NRCAM: variants seen among roughly 807,000 people sequenced by gnomAD.
The protein encoded by NRCAM is NgCAM-related cell adhesion molecule.
Under a neutral mutation model 156.5 loss-of-function variants are expected in NRCAM, and 83 were observed. The ratio of observed to expected loss-of-function variants is 0.53; its 90% confidence interval spans 0.44 to 0.64. The LOEUF is 0.64. NRCAM is among the 30% of genes least tolerant of loss of function. The pLI is 0.00. For missense variants in NRCAM, 1,417 were observed against 1,597.3 expected, an observed-to-expected ratio of 0.89 and a Z score of 1.92; for synonymous variants, 538 against 563.9, an observed-to-expected ratio of 0.95 and a Z score of 0.65.
chr7:108,310,596 T>A (rs2098790016), intron 3 of NRCAM, among the ~76,000 whole-genome samples: 1 of 152,170 alleles, frequency 6.6e-6, no homozygotes, highest in Non-Finnish European at 1.5e-5. Flanking sequence ...CTGAAAACTC[T>A]AAGTAGCTAC....
intron 1 of NRCAM, among the ~76,000 whole-genome samples, chr7:108,421,709 T>C (rs1019970541): frequency 6.6e-6 from 1 of 152,238 alleles, no homozygotes. Context: ...AGCTATTCAA[T>C]CTACAACTTA....
chr7:108,335,458 T>TTTTTTTTTTTATTTTTTTTTTA (rs2099172707), intron 2 of NRCAM, among the ~76,000 whole-genome samples: 1 of 122,622 alleles, frequency 8.2e-6, no homozygotes, highest in Admixed American at 8.8e-5. Flanking sequence ...TTTTTTTTTT[T>TTTTTTTTTTTATTTTTTTTTTA]TCAGTTTTCA....
At chr7:108,391,197 T>C (rs1432575143) in intron 2 of NRCAM, among the ~76,000 whole-genome samples, 1 of 152,112 alleles carries the variant, frequency 6.6e-6, no homozygotes, top group African/African-American at 2.4e-5. Context: ...ATTATTATTG[T>C]GTGGGAGTCT....
intron 3 of NRCAM, among the ~76,000 whole-genome samples, chr7:108,282,721 G>GAAAAAGAT (rs1197671244): frequency 6.6e-6 from 1 of 151,952 alleles, no homozygotes; most frequent in African/African-American, 2.4e-5. Context: ...GGCACAGGGA[G>GAAAAAGAT]AAAAAGAGAG....
chr7:108,376,863 A>C (rs575421684), intron 2 of NRCAM, among the ~76,000 whole-genome samples: 1 of 152,294 alleles, frequency 6.6e-6, no homozygotes, highest in Non-Finnish European at 1.5e-5. Flanking sequence ...CAGTTAATAG[A>C]ATAACTTTGA....
At chr7:108,311,106 G>A (rs758009169) in intron 3 of NRCAM, among the ~76,000 whole-genome samples, 3 of 152,128 alleles carry the variant, frequency 2.0e-5, no homozygotes, top group African/African-American at 4.8e-5. Context: ...CACAGTGGCC[G>A]CTGTTTTCCC....
At chr7:108,319,733 C>T (rs1181314741) in intron 2 of NRCAM, among the ~76,000 whole-genome samples, 1 of 152,036 alleles carries the variant, frequency 6.6e-6, no homozygotes, top group Admixed American at 6.6e-5. Flanking sequence ...TCCTACAGAG[C>T]TGGGGAAGGA....
chr7:108,185,323 A>T (rs1260264518), intron 20 of NRCAM, among the ~76,000 whole-genome samples: 1 of 152,236 alleles, frequency 6.6e-6, no homozygotes, highest in Non-Finnish European at 1.5e-5. Context: ...AATAATTTAC[A>T]TTGTAGTATT....
intron 1 of NRCAM, among the ~76,000 whole-genome samples, chr7:108,443,052 C>A (rs1371716497): frequency 2.0e-5 from 3 of 152,162 alleles, no homozygotes; most frequent in African/African-American, 7.2e-5. Flanking sequence ...CTCAAATTGG[C>A]AAATGGTCCA....
intron 1 of NRCAM, among the ~76,000 whole-genome samples, chr7:108,452,429 G>T (rs1267499293): frequency 2.0e-5 from 3 of 152,066 alleles, no homozygotes; most frequent in Non-Finnish European, 4.4e-5. Context: ...AGAAACTTCA[G>T]CCTTTGATCC....
rs528171287 is a variant in NRCAM, at chr7:108,451,206, G to A, written c.-332+5037C>T. Among the ~76,000 whole-genome samples, 92 of 147,894 alleles carry A rather than the reference G, an allele frequency of 6.2e-4. 1 individual carries two copies. The highest frequency in any genetic ancestry group is 2.2e-3 in the African/African-American group (89 of 39,960). ...TGCACTCCAGCCCAAGTGACAGGGC[G>A]AGACTCCGTCTCCAAAAAAAAAAAA... is the stretch of plus-strand genomic sequence containing the variant. On this transcript the variant is annotated intron_variant, in intron 1 of 32. Transcript: ENST00000379028.
chr7:108,401,874 C>T (rs1014962686), intron 1 of NRCAM, among the ~76,000 whole-genome samples: 3 of 152,346 alleles, frequency 2.0e-5, no homozygotes, highest in Non-Finnish European at 2.9e-5. Flanking sequence ...TGCATCCTCA[C>T]ACTGGAAAGT....
At chr7:108,273,247 CT>C (rs2097443110) in intron 3 of NRCAM, among the ~76,000 whole-genome samples, 1 of 152,046 alleles carries the variant, frequency 6.6e-6, no homozygotes, top group African/African-American at 2.4e-5. Flanking sequence ...ATTTATAATC[CT>C]TTGGGTATAC....
At chr7:108,231,751 T>A (rs1324081150) in intron 7 of NRCAM, among the ~76,000 whole-genome samples, 1 of 152,196 alleles carries the variant, frequency 6.6e-6, no homozygotes, top group Non-Finnish European at 1.5e-5. Context: ...TTTTGTTTAA[T>A]TAGTTTTTCT....
chr7:108,420,319 T>C (rs1466577638), intron 1 of NRCAM, among the ~76,000 whole-genome samples: 3 of 152,178 alleles, frequency 2.0e-5, no homozygotes, highest in African/African-American at 7.2e-5. Flanking sequence ...GTGTCTCTTT[T>C]ATGCATTTTG....
chr7:108,392,957 G>T (rs1349716631), intron 2 of NRCAM, among the ~76,000 whole-genome samples: 1 of 152,144 alleles, frequency 6.6e-6, no homozygotes, highest in East Asian at 1.9e-4. Flanking sequence ...CCAGCCGTGT[G>T]GGGTGTCAGT....
At chr7:108,450,229 G>T (rs1848749105) in intron 1 of NRCAM, among the ~76,000 whole-genome samples, 1 of 149,710 alleles carries the variant, frequency 6.7e-6, no homozygotes. Context: ...GAGCATTAGT[G>T]GTTATAATTT....
At chr7:108,153,194 CCAAA>C (rs927925386) in intron 32 of NRCAM, among the ~76,000 whole-genome samples, 6 of 151,934 alleles carry the variant, frequency 3.9e-5, no homozygotes, top group South Asian at 2.1e-4. Context: ...TGAAAAAACC[CCAAA>C]CAAACCATGA....
chr7:108,255,534 A>C (rs113342089), intron 3 of NRCAM, among the ~76,000 whole-genome samples: 10,264 of 151,244 alleles, frequency 0.068, 463 homozygotes, highest in African/African-American at 0.12. Flanking sequence ...ACCTCCCAGC[A>C]GCCTGCCTTG....
Sources: allele counts gnomAD v4.1 joint callset (sites outside exome capture counted in the v4.1 genomes callset), GRCh38; gene constraint gnomAD v4.1.1; transcripts MANE v1.5; gene names NCBI Gene and HGNC (gene_info 2026-07-23, HGNC 2026-07-21).